The following CAAP1 variants were observed in gnomAD, a reference collection of about 807,000 sequenced individuals.
The protein encoded by CAAP1 is caspase activity and apoptosis inhibitor 1, also known as conserved anti-apoptotic protein.
A neutral mutation model predicts 34.0 loss-of-function variants in CAAP1; 20 were observed. That is an observed-to-expected ratio of 0.59 (90% CI 0.41 to 0.86). The LOEUF (loss-of-function observed/expected upper bound fraction) is 0.86. CAAP1 is among the 40% of genes least tolerant of loss of function. The pLI is 0.00. For missense variants in CAAP1, 538 were observed against 450.5 expected, an observed-to-expected ratio of 1.19 and a Z score of -1.76; for synonymous variants, 213 against 166.7, an observed-to-expected ratio of 1.28 and a Z score of -2.14.
intron 4 of CAAP1, among the ~76,000 whole-genome samples, chr9:26,869,199 A>T (rs1048129031): frequency 4.6e-5 from 7 of 152,088 alleles, no homozygotes; most frequent in African/African-American, 1.4e-4. Flanking sequence ...AAAGTAAAAA[A>T]AAATAAATAA....
intron 4 of CAAP1, among the ~76,000 whole-genome samples, chr9:26,870,520 G>A (rs757977412): frequency 8.3e-4 from 124 of 149,138 alleles, no homozygotes; most frequent in Non-Finnish European, 1.6e-3. Flanking sequence ...AAGACGCCTA[G>A]ATCTCAGGGG....
At chr9:26,874,514 C>A (rs1364950779) in intron 4 of CAAP1, among the ~76,000 whole-genome samples, 1 of 152,166 alleles carries the variant, frequency 6.6e-6, no homozygotes, top group East Asian at 1.9e-4. Context: ...AACTAACTTT[C>A]TTTACCCAAA....
chr9:26,847,404 C>T (rs1246090117), intron 5 of CAAP1, among the ~76,000 whole-genome samples: 3 of 151,252 alleles, frequency 2.0e-5, no homozygotes, highest in Admixed American at 6.6e-5. Flanking sequence ...TTGGTAGAGA[C>T]GGGGTTTCAC....
intron 4 of CAAP1, among the ~76,000 whole-genome samples, chr9:26,884,182 G>A (rs1823668232): frequency 6.6e-6 from 1 of 152,178 alleles, no homozygotes; most frequent in African/African-American, 2.4e-5. Context: ...ATAGTTAATT[G>A]TTTTAAGCAA....
intron 5 of CAAP1, among the ~76,000 whole-genome samples, chr9:26,847,198 ATTTTTTTTTTTTTTTTTTTTT>A (rs1171628621): frequency 3.2e-4 from 11 of 34,750 alleles, no homozygotes; most frequent in East Asian, 1.7e-3. Flanking sequence ...AAAAAGCAAT[ATTTTTTTTTTTTTTTTTTTTT>A]TTTTTTTTTT....
At chr9:26,889,565 G>C (rs74858786) in intron 1 of CAAP1, among the ~76,000 whole-genome samples, 5,839 of 151,968 alleles carry the variant, frequency 0.038, 129 homozygotes, top group Middle Eastern at 0.069. Context: ...CAAGAAAATA[G>C]GGAACTCGGC....
Position 26,861,118 on chromosome 9 carries a change from A to T in CAAP1, c.687T>A (p.Ser229=). 2 of 1,611,358 alleles carry T rather than the reference A, an allele frequency of 1.2e-6. No individual in the cohort carries two copies. The highest frequency in any genetic ancestry group is 1.7e-6 in the Non-Finnish European group (2 of 1,177,742). Residue 229 remains serine (S), a synonymous_variant, in exon 5 of 6, where the codon TCT becomes TCA. Transcript: ENST00000333916. The stretch of plus-strand genomic sequence containing the variant: ...GCTTATTCTCTCTCACGGATGAAGC[A>T]GAATCTATACAGATGTCTTGCCTGG... ...LVSQQDICID[S]ASSVRENKQP...
At chr9:26,843,124 T>A in intron 5 of CAAP1, among the ~76,000 whole-genome samples, 1 of 152,184 alleles carries the variant, frequency 6.6e-6, no homozygotes, top group East Asian at 1.9e-4. Context: ...AACATATGCA[T>A]TGCAATTATC....
At chr9:26,853,871 G>A (rs1035177658) in intron 5 of CAAP1, among the ~76,000 whole-genome samples, 3 of 152,120 alleles carry the variant, frequency 2.0e-5, no homozygotes, top group African/African-American at 7.2e-5. Context: ...TCCTTTATTA[G>A]ACAAGTTCTT....
Position 26,841,401 on chromosome 9 carries a change from GATTA to G in CAAP1, c.*896_*899del, listed in dbSNP as rs1822476845. 1 of 152,484 alleles carries G rather than the reference GATTA, an allele frequency of 6.6e-6. No individual in the cohort carries two copies. The highest frequency in any genetic ancestry group is 1.5e-5 in the Non-Finnish European group (1 of 67,964). The allele number at this position is 152,484 out of a possible 1,614,324, so 9.4% of individuals were successfully genotyped here. A position where few individuals can be genotyped will look rare whatever the true frequency, so the allele number is the denominator to read the frequency against. On this transcript the variant is annotated 3_prime_UTR_variant, in exon 6 of 6. Transcript: ENST00000333916. ...TATTTACAAAAACTATACAAAATTA[GATTA>G]ATTATAACAACAACTTATCAAAGGT... is the stretch of plus-strand genomic sequence containing the variant.
chr9:26,890,627 C>T (rs561438209), intron 1 of CAAP1, among the ~76,000 whole-genome samples: 2 of 152,088 alleles, frequency 1.3e-5, no homozygotes, highest in South Asian at 4.2e-4. Context: ...ATAAAAACTA[C>T]AGTCTGATCT....
chr9:26,885,169 C>G (rs7025658), intron 3 of CAAP1, among the ~76,000 whole-genome samples: 1 of 150,684 alleles, frequency 6.6e-6, no homozygotes, highest in Non-Finnish European at 1.5e-5. Flanking sequence ...CTCCACCTCC[C>G]GGGTTCTAGC....
chr9:26,882,127 A>G (rs1823606350), intron 4 of CAAP1, among the ~76,000 whole-genome samples: 1 of 152,236 alleles, frequency 6.6e-6, no homozygotes, highest in Non-Finnish European at 1.5e-5. Flanking sequence ...ACAGAGCGTA[A>G]AAGTTCAGAA....
chr9:26,891,533 G>C (rs1347901239), intron 1 of CAAP1, among the ~76,000 whole-genome samples: 1 of 151,968 alleles, frequency 6.6e-6, no homozygotes, highest in Non-Finnish European at 1.5e-5. Flanking sequence ...ACTCTTGTAG[G>C]AGATATATAC....
intron 5 of CAAP1, among the ~76,000 whole-genome samples, chr9:26,857,061 A>T (rs1194891731): frequency 2.0e-5 from 3 of 152,218 alleles, no homozygotes. Flanking sequence ...TTTTAAAAAT[A>T]TTGTCTACAA....
At chr9:26,858,189 A>G (rs1171874146) in intron 5 of CAAP1, among the ~76,000 whole-genome samples, 1 of 152,330 alleles carries the variant, frequency 6.6e-6, no homozygotes, top group East Asian at 1.9e-4. Flanking sequence ...TATTGAGCTC[A>G]CTGTGAACAA....
chr9:26,874,277 T>C (rs533455764), intron 4 of CAAP1, among the ~76,000 whole-genome samples: 144 of 151,030 alleles, frequency 9.5e-4, no homozygotes, highest in African/African-American at 3.4e-3. Context: ...TTATGGAGTA[T>C]ATGTGATATT....
At chr9:26,857,355 G>A (rs537342507) in intron 5 of CAAP1, among the ~76,000 whole-genome samples, 1 of 152,316 alleles carries the variant, frequency 6.6e-6, no homozygotes, top group African/African-American at 2.4e-5. Context: ...TTTCTGGCCG[G>A]GTATGGTGGC....
chr9:26,883,124 T>C (rs1730968698), intron 4 of CAAP1, among the ~76,000 whole-genome samples: 1 of 152,072 alleles, frequency 6.6e-6, no homozygotes, highest in African/African-American at 2.4e-5. Context: ...AGTTAAGACT[T>C]TGGGGGACTG....
Sources: allele counts gnomAD v4.1 joint callset (sites outside exome capture counted in the v4.1 genomes callset), GRCh38; gene constraint gnomAD v4.1.1; transcripts MANE v1.5; gene names NCBI Gene and HGNC (gene_info 2026-07-23, HGNC 2026-07-21).